The following ADGRG2 variants were observed in gnomAD, a reference collection of about 807,000 sequenced individuals.
The protein encoded by ADGRG2 is G protein-coupled receptor 64.
A neutral mutation model predicts 74.1 loss-of-function variants in ADGRG2; 26 were observed. The ratio of observed to expected loss-of-function variants is 0.35; its 90% CI spans 0.26 to 0.49. ADGRG2 has a LOEUF of 0.49. Among genes scored for constraint, ADGRG2 ranks in the 20% least tolerant of loss-of-function variants. The pLI, the probability that ADGRG2 is intolerant of heterozygous loss-of-function variation, is 0.99. For synonymous variants in ADGRG2, 296 were observed against 295.2 expected, an observed-to-expected ratio of 1.00 and a Z score of -0.03; for missense variants, 619 against 763.1, an observed-to-expected ratio of 0.81 and a Z score of 2.22.
intron 24 of ADGRG2, 88 bp downstream of exon 24, chrX:19,002,758 G>T (rs1293615857): frequency 1.1e-6 from 1 of 901,243 alleles, no homozygotes; most frequent in Non-Finnish European, 1.6e-6. Context: ...AATGTGATCT[G>T]CTTCATCGTT....
At chrX:19,006,971 G>C (rs747362131) in intron 20 of ADGRG2, among the ~76,000 whole-genome samples, 27 of 109,763 alleles carry the variant, frequency 2.5e-4, no homozygotes, top group African/African-American at 8.6e-4. Flanking sequence ...TGCCCAGGCT[G>C]GTCTCAAACT....
chrX:18,996,533 G>A (rs1011256085), intron 26 of ADGRG2, among the ~76,000 whole-genome samples: 1 of 109,752 alleles, frequency 9.1e-6, no homozygotes, highest in African/African-American at 3.3e-5. Context: ...TTTAGAATCC[G>A]TTTCCAAGCT....
At chrX:19,080,566 G>C (rs1252516804) in intron 2 of ADGRG2, among the ~76,000 whole-genome samples, 1 of 111,623 alleles carries the variant, frequency 9.0e-6, no homozygotes, top group East Asian at 2.8e-4. Context: ...CTATTTCACA[G>C]GGTTCTGTGG....
chrX:18,998,324 A>C, intron 26 of ADGRG2, among the ~76,000 whole-genome samples: 1 of 111,407 alleles, frequency 9.0e-6, no homozygotes, highest in Non-Finnish European at 1.9e-5. Flanking sequence ...TGAATACAAA[A>C]GTTTTTTTTT....
intron 28 of ADGRG2, among the ~76,000 whole-genome samples, chrX:18,992,872 C>T (rs182622506): frequency 2.8e-3 from 311 of 112,211 alleles, no homozygotes; most frequent in Admixed American, 3.9e-3. Flanking sequence ...GCAGGTGAGG[C>T]TTCATCTCTG....
intron 9 of ADGRG2, among the ~76,000 whole-genome samples, chrX:19,029,300 A>T (rs1409673986): frequency 8.9e-6 from 1 of 112,131 alleles, no homozygotes; most frequent in African/African-American, 3.2e-5. Flanking sequence ...TTAGCTTTTA[A>T]ATGATTATTT....
At chrX:19,012,601 T>C (rs1308874550) in intron 16 of ADGRG2, among the ~76,000 whole-genome samples, 3 of 76,797 alleles carry the variant, frequency 3.9e-5, no homozygotes, top group Non-Finnish European at 7.2e-5. Flanking sequence ...AAAACCAGCC[T>C]AGGCAACATA....
intron 1 of ADGRG2, among the ~76,000 whole-genome samples, chrX:19,111,079 G>C (rs1415976964): frequency 9.0e-6 from 1 of 111,679 alleles, no homozygotes. Flanking sequence ...GACAAGATTT[G>C]TTGATGGGTT....
intron 1 of ADGRG2, among the ~76,000 whole-genome samples, chrX:19,117,084 G>A (rs1235168989): frequency 9.0e-6 from 1 of 110,697 alleles, no homozygotes; most frequent in Admixed American, 9.6e-5. Context: ...GAGGTCAGGA[G>A]TTCAAGACCA....
chrX:19,028,700 T>A (rs2060759596), intron 9 of ADGRG2, among the ~76,000 whole-genome samples: 1 of 110,336 alleles, frequency 9.1e-6, no homozygotes, highest in African/African-American at 3.3e-5. Flanking sequence ...TTTATGAAAG[T>A]TTATGAGTTT....
chrX:19,043,183 C>T (rs1437321498), intron 3 of ADGRG2, among the ~76,000 whole-genome samples: 2 of 111,210 alleles, frequency 1.8e-5, no homozygotes, highest in Non-Finnish European at 3.8e-5. Context: ...ATTTCTTTTT[C>T]CTTTAGGAAC....
rs185940587 is a variant in ADGRG2, at chrX:19,104,566, T to C, written c.-47+17876A>G. Among the ~76,000 whole-genome samples, 540 of 111,742 alleles carry C rather than the reference T, an allele frequency of 4.8e-3. 1 individual carries two copies. The highest frequency in any genetic ancestry group is 0.014 in the Middle Eastern group (3 of 216). ...TTTTATAATAGGATTTTATTAAAAT[T>C]AACAAAAGGAATTCCTGACTGTTGA... On this transcript the variant is annotated intron_variant, in intron 1 of 28. Coordinates refer to ENST00000379869, the MANE Select transcript of ADGRG2 (RefSeq NM_001079858.3).
chrX:19,102,062 G>A (rs183893793), intron 1 of ADGRG2, among the ~76,000 whole-genome samples: 1 of 110,286 alleles, frequency 9.1e-6, no homozygotes, highest in East Asian at 2.9e-4. Context: ...AGTAGGGGAG[G>A]AAGATGAAGT....
chrX:19,028,122 T>C, intron 10 of ADGRG2, 61 bp downstream of exon 10: 1 of 615,124 alleles, frequency 1.6e-6, no homozygotes, highest in Non-Finnish European at 2.7e-6. Flanking sequence ...CTCAAACAAA[T>C]GTTTAAATAT....
At chrX:19,066,207 T>A (rs1434070784) in intron 3 of ADGRG2, among the ~76,000 whole-genome samples, 1 of 112,238 alleles carries the variant, frequency 8.9e-6, no homozygotes, top group Non-Finnish European at 1.9e-5. Flanking sequence ...ACCTACTTTT[T>A]AAAGGATTGC....
chrX:19,020,171 A>C (rs895956215), intron 14 of ADGRG2, among the ~76,000 whole-genome samples: 2 of 111,855 alleles, frequency 1.8e-5, no homozygotes, highest in Non-Finnish European at 3.8e-5. Flanking sequence ...TGATGACTAC[A>C]ATTAATTAGA....
chrX:19,033,363 A>AT lies in ADGRG2; in HGVS notation c.304+249dup, dbSNP rs746059312. On this transcript the variant is annotated intron_variant, in intron 8 of 28. Coordinates refer to ENST00000379869, the MANE Select transcript of ADGRG2 (RefSeq NM_001079858.3). ...GCATGCATGTTCATGTTAGTTATCT[A>AT]TTTTTTTGCCTTGTCTCCACCCATA... 11 of 268,645 alleles carry AT rather than the reference A, an allele frequency of 4.1e-5. No homozygotes were observed. In the East Asian group the frequency reaches 4.9e-4, roughly 12 times the overall value. 22.1% of individuals were successfully genotyped at this position (268,645 alleles called of 1,213,427 possible). A position where few individuals can be genotyped will look rare whatever the true frequency, so the allele number is the denominator to read the frequency against.
intron 2 of ADGRG2, among the ~76,000 whole-genome samples, chrX:19,080,536 C>T (rs1191159077): frequency 3.6e-5 from 4 of 111,318 alleles, no homozygotes; most frequent in Admixed American, 9.6e-5. Context: ...CATCTGAAGA[C>T]GTGGAAGTAA....
intron 1 of ADGRG2, among the ~76,000 whole-genome samples, chrX:19,108,825 G>T (rs1440910865): frequency 9.0e-6 from 1 of 111,632 alleles, no homozygotes; most frequent in Non-Finnish European, 1.9e-5. Flanking sequence ...TGGTGACAGG[G>T]ATATGCACAG....
Sources: allele counts gnomAD v4.1 joint callset (sites outside exome capture counted in the v4.1 genomes callset), GRCh38; gene constraint gnomAD v4.1.1; transcripts MANE v1.5; gene names NCBI Gene and HGNC (gene_info 2026-07-23, HGNC 2026-07-21).